EBF1: variants seen among roughly 807,000 people sequenced by gnomAD.
EBF1 encodes the protein transcription factor COE1.
Under a neutral mutation model 68.4 loss-of-function variants are expected in EBF1, and 10 were observed. That is an observed-to-expected ratio of 0.15 (90% CI 0.09 to 0.25). The LOEUF (loss-of-function observed/expected upper bound fraction) is 0.25, where lower values mean the gene tolerates loss of function less well. Ranked by LOEUF, EBF1 falls within the 10% of genes least tolerant of loss-of-function variation. The pLI is 1.00. For missense variants in EBF1, 509 were observed against 794.4 expected, an observed-to-expected ratio of 0.64 and a Z score of 4.32; for synonymous variants, 298 against 299.8, an observed-to-expected ratio of 0.99 and a Z score of 0.06.
At chr5:158,957,813 C>A (rs142268670) in intron 6 of EBF1, among the ~76,000 whole-genome samples, 2 of 152,168 alleles carry the variant, frequency 1.3e-5, no homozygotes, top group Admixed American at 6.5e-5. Flanking sequence ...ACAGCCAATA[C>A]CCCTAATGCA....
intron 6 of EBF1, among the ~76,000 whole-genome samples, chr5:159,014,431 A>G (rs1217135098): frequency 6.6e-6 from 1 of 152,242 alleles, no homozygotes; most frequent in Non-Finnish European, 1.5e-5. Context: ...AATGCTTTCC[A>G]AAGTCTCACT....
In EBF1 at chr5:158,698,307, A is replaced by AGAAACTGACTTAAGTAAAAG; in HGVS notation, c.*784_*803dup. 1 of 222,744 alleles carries AGAAACTGACTTAAGTAAAAG rather than the reference A, an allele frequency of 4.5e-6. No individual in the cohort carries two copies. The highest frequency in any genetic ancestry group is 6.5e-5 in the East Asian group (1 of 15,460). The allele number at this position is 222,744 out of a possible 1,614,324, so 13.8% of individuals were successfully genotyped here. On this transcript the variant is annotated 3_prime_UTR_variant, in exon 16 of 16. Transcript: ENST00000313708. ...CTCTCGAGAGGCCATCGGCTTCAGA[A>AGAAACTGACTTAAGTAAAAG]GAAACTGACTTAAGTAAAAGGAGAG...
chr5:158,854,074 C>G (rs1197801730), intron 6 of EBF1, among the ~76,000 whole-genome samples: 1 of 152,186 alleles, frequency 6.6e-6, no homozygotes, highest in East Asian at 1.9e-4. Flanking sequence ...GCTGGAAATG[C>G]ATATTGTTAA....
chr5:158,977,755 T>C (rs1757070719), intron 6 of EBF1, among the ~76,000 whole-genome samples: 1 of 152,204 alleles, frequency 6.6e-6, no homozygotes, highest in South Asian at 2.1e-4. Context: ...AAGAATGCCA[T>C]GGCGCTGACC....
chr5:158,797,583 A>T (rs1315878874), intron 8 of EBF1, among the ~76,000 whole-genome samples: 1 of 152,212 alleles, frequency 6.6e-6, no homozygotes, highest in Non-Finnish European at 1.5e-5. Context: ...ACTGGCAAAA[A>T]AATATTTGGA....
intron 6 of EBF1, among the ~76,000 whole-genome samples, chr5:159,068,711 T>G (rs927404773): frequency 6.6e-6 from 1 of 152,160 alleles, no homozygotes. Flanking sequence ...TTTTCATTAC[T>G]GAACATTCTA....
intron 5 of EBF1, among the ~76,000 whole-genome samples, chr5:159,076,945 G>A (rs1419025590): frequency 6.6e-6 from 1 of 152,202 alleles, no homozygotes; most frequent in Non-Finnish European, 1.5e-5. Flanking sequence ...GCACTGGAAT[G>A]GAAAGAAATG....
intron 10 of EBF1, among the ~76,000 whole-genome samples, chr5:158,775,298 AT>A (rs199730272): frequency 6.6e-6 from 1 of 150,904 alleles, no homozygotes; most frequent in African/African-American, 2.4e-5. Flanking sequence ...AATGAGGGTG[AT>A]TTTTTTTTCT....
intron 5 of EBF1, among the ~76,000 whole-genome samples, chr5:159,083,833 A>T (rs1366013114): frequency 1.3e-5 from 2 of 152,246 alleles, no homozygotes; most frequent in African/African-American, 4.8e-5. Flanking sequence ...TTCATGCTTT[A>T]TCCAATTATT....
intron 6 of EBF1, among the ~76,000 whole-genome samples, chr5:159,051,500 G>C (rs557250688): frequency 6.8e-6 from 1 of 148,022 alleles, no homozygotes; most frequent in East Asian, 2.0e-4. Flanking sequence ...TCGTGTTTCG[G>C]CTTTCGCTGG....
chr5:158,698,976 G>T lies in EBF1; in HGVS notation c.*135C>A. On this transcript the variant is annotated 3_prime_UTR_variant, in exon 16 of 16. Transcript: ENST00000313708. ...ATTTGCAAGGTCGGTGATTTTGTTT[G>T]TTTAAAAATCTGCAGTTATTGTGAT... The T allele has an allele frequency of 1.3e-6, 1 of 744,118 alleles. No homozygotes were observed. The highest frequency in any genetic ancestry group is 2.0e-6 in the Non-Finnish European group (1 of 489,890). The allele number at this position is 744,118 out of a possible 1,614,324, so 46.1% of individuals were successfully genotyped here.
intron 8 of EBF1, among the ~76,000 whole-genome samples, chr5:158,814,820 T>C (rs1783399753): frequency 6.6e-6 from 1 of 152,140 alleles, no homozygotes; most frequent in Non-Finnish European, 1.5e-5. Context: ...ACAGAAAATA[T>C]ACTAGTCATC....
At chr5:158,939,185 T>C (rs867619067) in intron 6 of EBF1, among the ~76,000 whole-genome samples, 12 of 152,232 alleles carry the variant, frequency 7.9e-5, no homozygotes, top group Admixed American at 3.3e-4. Context: ...GGGCTTATTA[T>C]GTGCGGGACA....
rs1281156504 is a variant in EBF1 at position 159,099,405 on chromosome 5, T to G, written c.74A>C (p.Asn25Thr). 1 of 1,601,798 alleles carries G rather than the reference T, an allele frequency of 6.2e-7. No individual in the cohort carries two copies. The highest frequency in any genetic ancestry group is 8.5e-7 in the Non-Finnish European group (1 of 1,174,348). The change falls in exon 1 of 16, where the codon AAC (asparagine) becomes ACC (threonine). Residue 25 changes from asparagine to threonine, a missense_variant. This residue lies in a region of EBF1 where 74 missense variants were observed against 79.4 expected (regional missense o/e 0.93). Transcript: ENST00000313708. ...GCCCTGCATCCACGTCCGCACCGCG[T>G]TCATGCCGCTGCCCAGCGGCTCTTC... Reference protein sequence around the residue: ...MKEEPLGSGMNAVRTWMQGAG... With the variant: ...MKEEPLGSGMTAVRTWMQGAG...
intron 6 of EBF1, among the ~76,000 whole-genome samples, chr5:158,988,899 C>T (rs1759693697): frequency 6.6e-6 from 1 of 152,220 alleles, no homozygotes. Flanking sequence ...GGGGCCTTCA[C>T]TCTTTGCCTC....
intron 8 of EBF1, among the ~76,000 whole-genome samples, chr5:158,820,300 G>A (rs1245373501): frequency 6.6e-6 from 1 of 151,846 alleles, no homozygotes; most frequent in African/African-American, 2.4e-5. Context: ...GAGGGATGAG[G>A]GTGTATGATT....
intron 6 of EBF1, among the ~76,000 whole-genome samples, chr5:158,874,858 G>A (rs1430998258): frequency 6.6e-6 from 1 of 152,136 alleles, no homozygotes. Flanking sequence ...GCCTCAGAGT[G>A]TTTGGGATCC....
chr5:158,831,849 T>A (rs112683406), intron 7 of EBF1, among the ~76,000 whole-genome samples: 14 of 152,124 alleles, frequency 9.2e-5, no homozygotes, highest in African/African-American at 3.4e-4. Flanking sequence ...TCAGAAGAGT[T>A]TTCCAGGGAG....
intron 10 of EBF1, among the ~76,000 whole-genome samples, chr5:158,766,315 AAG>A (rs954139632): frequency 3.9e-5 from 6 of 152,180 alleles, no homozygotes; most frequent in African/African-American, 1.4e-4. Flanking sequence ...AACAACTTAG[AAG>A]AGACTATAAT....
Sources: gnomAD v4.1 joint callset for allele counts (sites outside exome capture counted in the v4.1 genomes callset) on GRCh38, gnomAD v4.1.1 for gene constraint, gnomAD v4.1.1 regional missense constraint, MANE v1.5 for transcripts, NCBI Gene and HGNC (gene_info 2026-07-23, HGNC 2026-07-21) for gene names.